TPH2: variants seen among roughly 807,000 people sequenced by gnomAD.
TPH2 encodes the protein tryptophan 5-hydroxylase 2.
TPH2 carries 27 observed loss-of-function variants against 59.1 expected under a neutral mutation model. The ratio of observed to expected loss-of-function variants is 0.46; its 90% CI spans 0.34 to 0.63. The LOEUF (loss-of-function observed/expected upper bound fraction) is 0.63. Ranked by LOEUF, TPH2 falls within the 30% of genes least tolerant of loss-of-function variation. TPH2 has a pLI of 0.01. For missense variants in TPH2, 523 were observed against 588.3 expected (o/e 0.89, Z 1.15); for synonymous variants, 220 against 210.5 (o/e 1.05, Z -0.39).
chr12:71,950,646 G>T (rs1159563735), intron 5 of TPH2, among the ~76,000 whole-genome samples: 1 of 152,144 alleles, frequency 6.6e-6, no homozygotes, highest in Non-Finnish European at 1.5e-5. Flanking sequence ...GATTGATCAA[G>T]CTACAGGAAA....
intron 7 of TPH2, among the ~76,000 whole-genome samples, chr12:71,988,555 C>A (rs1445178662): frequency 2.0e-5 from 3 of 152,148 alleles, no homozygotes; most frequent in African/African-American, 7.2e-5. Context: ...CTCGGGAGAA[C>A]TCACTCACTA....
chr12:71,985,322 CTGAA>C (rs1466017484), intron 7 of TPH2, among the ~76,000 whole-genome samples: 1 of 152,166 alleles, frequency 6.6e-6, no homozygotes, highest in Non-Finnish European at 1.5e-5. Flanking sequence ...TATGCTGAAG[CTGAA>C]TAGCATTTTT....
intron 8 of TPH2, among the ~76,000 whole-genome samples, chr12:72,018,730 C>T (rs73146337): frequency 0.024 from 3,621 of 152,266 alleles, 50 homozygotes; most frequent in Non-Finnish European, 0.036. Flanking sequence ...TTAGGAAAAT[C>T]AGCCAAAGGC....
intron 8 of TPH2, among the ~76,000 whole-genome samples, chr12:72,019,318 C>T (rs1280145595): frequency 2.6e-5 from 4 of 152,134 alleles, no homozygotes; most frequent in Non-Finnish European, 5.9e-5. Flanking sequence ...CCTCCATGAC[C>T]TTTTGAAAGC....
intron 9 of TPH2, among the ~76,000 whole-genome samples, chr12:72,027,192 A>G (rs1012240922): frequency 1.3e-5 from 2 of 152,150 alleles, no homozygotes; most frequent in Non-Finnish European, 2.9e-5. Flanking sequence ...AAACTGATGA[A>G]CCCAGGGCAG....
chr12:71,945,776 G>C (rs146346817), intron 4 of TPH2, among the ~76,000 whole-genome samples: 2 of 151,992 alleles, frequency 1.3e-5, no homozygotes, highest in Non-Finnish European at 2.9e-5. Context: ...TACCAACTCA[G>C]ACCAATTCAA....
intron 9 of TPH2, among the ~76,000 whole-genome samples, chr12:72,024,268 G>C (rs1489413817): frequency 1.3e-5 from 2 of 152,212 alleles, no homozygotes; most frequent in Non-Finnish European, 2.9e-5. Flanking sequence ...AATGGAAAGG[G>C]TAAATAAGGA....
intron 9 of TPH2, among the ~76,000 whole-genome samples, chr12:72,028,416 G>A (rs952016726): frequency 2.2e-4 from 34 of 152,150 alleles, no homozygotes; most frequent in African/African-American, 8.0e-4. Flanking sequence ...AACTCAGTCA[G>A]ACTTCTCCAT....
At chr12:72,028,781 C>T (rs1873638232) in intron 9 of TPH2, among the ~76,000 whole-genome samples, 1 of 152,172 alleles carries the variant, frequency 6.6e-6, no homozygotes, top group African/African-American at 2.4e-5. Flanking sequence ...ATAGCAGACT[C>T]CTGAGGGTAG....
chr12:71,979,363 G>A (rs1872208541), intron 7 of TPH2, among the ~76,000 whole-genome samples: 1 of 152,162 alleles, frequency 6.6e-6, no homozygotes, highest in Non-Finnish European at 1.5e-5. Context: ...TGATGATGAA[G>A]AGAAGGCACA....
At chr12:72,006,148 T>G (rs1317755673) in intron 8 of TPH2, among the ~76,000 whole-genome samples, 1 of 152,020 alleles carries the variant, frequency 6.6e-6, no homozygotes, top group Admixed American at 6.6e-5. Context: ...TAATTCAGAG[T>G]GCAGGTTTTG....
In TPH2 at chr12:71,994,563, A is replaced by G; in HGVS notation, c.1066A>G (p.Thr356Ala). Reference protein sequence around the residue: ...ASDEDVQKLATCYFFTIEFGL... With the variant: ...ASDEDVQKLAACYFFTIEFGL... ...AGATGAAGATGTTCAGAAACTAGCC[A>G]CGGTGAGTTCATTTTCAACTTAAAA... The change falls in exon 8 of 11, where the codon ACG (threonine) becomes GCG (alanine). Residue 356 changes from threonine (T) to alanine (A), a missense_variant and splice_region_variant. Transcript: ENST00000333850. 6.2e-7 allele frequency: 1 copy of G among 1,613,826 alleles called. No individual in the cohort carries two copies. Among genetic ancestry groups the G allele is most frequent in the Non-Finnish European group, 8.5e-7 (1 of 1,179,748 alleles).
At chr12:71,997,612 AT>A (rs1373589032) in intron 8 of TPH2, among the ~76,000 whole-genome samples, 2 of 152,136 alleles carry the variant, frequency 1.3e-5, no homozygotes, top group African/African-American at 4.8e-5. Context: ...ACATTAGGCC[AT>A]TAATCATGTT....
chr12:71,942,177 C>T (rs1386507822), intron 2 of TPH2, among the ~76,000 whole-genome samples: 1 of 152,162 alleles, frequency 6.6e-6, no homozygotes, highest in Non-Finnish European at 1.5e-5. Flanking sequence ...CCCTAAGTCT[C>T]ATTGTTTATG....
chr12:71,993,007 A>G (rs1872615752), intron 7 of TPH2, among the ~76,000 whole-genome samples: 1 of 152,234 alleles, frequency 6.6e-6, no homozygotes. Context: ...TTCATGTACC[A>G]AAAAAGAAGT....
At chr12:72,025,813 A>G (rs936884450) in intron 9 of TPH2, among the ~76,000 whole-genome samples, 3 of 152,214 alleles carry the variant, frequency 2.0e-5, no homozygotes, top group Non-Finnish European at 4.4e-5. Flanking sequence ...CCCACAGTCT[A>G]GCTTGTGTCT....
At chr12:71,980,621 A>G (rs771597630) in intron 7 of TPH2, among the ~76,000 whole-genome samples, 4 of 152,280 alleles carry the variant, frequency 2.6e-5, no homozygotes, top group African/African-American at 4.8e-5. Context: ...TGAGTGCTCA[A>G]AGAAGCACTG....
At chr12:72,013,561 A>AG (rs1178291714) in intron 8 of TPH2, among the ~76,000 whole-genome samples, 2 of 152,182 alleles carry the variant, frequency 1.3e-5, no homozygotes, top group African/African-American at 4.8e-5. Context: ...CTCCTTCAAA[A>AG]TTTGACACAA....
chr12:72,004,720 A>T (rs1872907867), intron 8 of TPH2, among the ~76,000 whole-genome samples: 1 of 152,212 alleles, frequency 6.6e-6, no homozygotes. Context: ...TTTCTAGCAA[A>T]AGCAGAAAGA....
Sources: allele counts gnomAD v4.1 joint callset (sites outside exome capture counted in the v4.1 genomes callset), GRCh38; gene constraint gnomAD v4.1.1; transcripts MANE v1.5; gene names NCBI Gene and HGNC (gene_info 2026-07-23, HGNC 2026-07-21).